The following MBOAT2 variants were observed in gnomAD, a reference collection of about 807,000 sequenced individuals.
The protein encoded by MBOAT2 is membrane bound glycerophospholipid O-acyltransferase 2.
Under a neutral mutation model 63.4 loss-of-function variants are expected in MBOAT2, and 28 were observed. That is an observed-to-expected ratio of 0.44 (90% CI 0.33 to 0.61). The LOEUF is 0.61. MBOAT2 is among the 20% of genes least tolerant of loss of function. The probability of loss-of-function intolerance (pLI) is 0.03; values close to 1 mark genes in which losing one functional copy is unlikely to be tolerated. For missense variants in MBOAT2, 470 were observed against 605.8 expected, an observed-to-expected ratio of 0.78 and a Z score of 2.35; for synonymous variants, 211 against 215.6, an observed-to-expected ratio of 0.98 and a Z score of 0.19.
chr2:8,983,051 A>G (rs1390662371), intron 1 of MBOAT2, among the ~76,000 whole-genome samples: 2 of 152,046 alleles, frequency 1.3e-5, no homozygotes, highest in African/African-American at 4.8e-5. Flanking sequence ...AGACTCATGC[A>G]TAGCAAATTC....
In MBOAT2 at chr2:8,852,728, C is replaced by T. The variant is rs977914088; in HGVS notation, c.*5951G>A. 5 of 151,120 alleles carry T rather than the reference C, an allele frequency of 3.3e-5. No individual in the cohort carries two copies. The highest frequency in any genetic ancestry group is 1.2e-4 in the African/African-American group (5 of 41,050). 9.4% of individuals were successfully genotyped at this position (151,120 alleles called of 1,614,324 possible). A position where few individuals can be genotyped will look rare whatever the true frequency, so the allele number is the denominator to read the frequency against. On this transcript the variant is annotated 3_prime_UTR_variant, in exon 13 of 13. Transcript: ENST00000305997. Reference sequence around the variant, plus strand: ...CTGTTTAATCAGTTGTAAAGACACACAAATTAGAAAAAAAAAACATGTCCT... The same window carrying T: ...CTGTTTAATCAGTTGTAAAGACACATAAATTAGAAAAAAAAAACATGTCCT...
At chr2:8,911,898 C>T (rs753531788) in intron 3 of MBOAT2, among the ~76,000 whole-genome samples, 37 of 152,148 alleles carry the variant, frequency 2.4e-4, no homozygotes, top group Non-Finnish European at 4.4e-4. Context: ...GACACTTTGC[C>T]GTCCCACCCC....
At chr2:8,925,444 A>G (rs1388721628) in intron 3 of MBOAT2, among the ~76,000 whole-genome samples, 3 of 152,256 alleles carry the variant, frequency 2.0e-5, no homozygotes, top group Non-Finnish European at 4.4e-5. Flanking sequence ...ATTTTGGTTC[A>G]TAAGACAACT....
At chr2:8,889,883 G>T (rs1219784841) in intron 4 of MBOAT2, among the ~76,000 whole-genome samples, 1 of 152,186 alleles carries the variant, frequency 6.6e-6, no homozygotes, top group African/African-American at 2.4e-5. Flanking sequence ...GAACCCACAT[G>T]CAACTTCTAT....
In MBOAT2 at chr2:8,857,590, A is replaced by G. The variant is rs562734737; in HGVS notation, c.*1089T>C. On this transcript the variant is annotated 3_prime_UTR_variant, in exon 13 of 13. Coordinates refer to ENST00000305997, the MANE Select transcript of MBOAT2 (RefSeq NM_138799.4). ...AGTGACTTTTATTTTTCATTTCCCT[A>G]AAAGTTTCCCAAATATGAATTAAAT... 7.6e-4 allele frequency: 116 copies of G among 152,342 alleles called. No homozygotes were observed. The highest frequency in any genetic ancestry group is 2.5e-3 in the African/African-American group (106 of 41,578). 9.4% of individuals were successfully genotyped at this position (152,342 alleles called of 1,614,324 possible).
At position 8,862,368 on chromosome 2, in the gene MBOAT2, G is replaced by T; in HGVS notation, c.1185+222C>A. On this transcript the variant is annotated intron_variant, in intron 11 of 12. Coordinates refer to ENST00000305997, the MANE Select transcript of MBOAT2 (RefSeq NM_138799.4). The surrounding 1 kb of genome is among the most constrained non-coding windows in gnomAD (Gnocchi z 4.3). ...TTTGTGAGTGCCTCCTACCTGCCGG[G>T]CACATAGAAACGTGTTTTCTCCTCA... 1 of 1,442,288 alleles carries T rather than the reference G, an allele frequency of 6.9e-7. No homozygotes were observed. The allele number at this position is 1,442,288 out of a possible 1,614,324, so 89.3% of individuals were successfully genotyped here. A position where few individuals can be genotyped will look rare whatever the true frequency, so the allele number is the denominator to read the frequency against.
At chr2:8,952,837 A>G (rs62104441) in intron 2 of MBOAT2, among the ~76,000 whole-genome samples, 6,384 of 151,750 alleles carry the variant, frequency 0.042, 148 homozygotes, top group Middle Eastern at 0.058. Context: ...ATCTTTCTCC[A>G]ACCCTTTACT....
At chr2:8,973,426 A>C (rs958666136) in intron 1 of MBOAT2, among the ~76,000 whole-genome samples, 1 of 151,934 alleles carries the variant, frequency 6.6e-6, no homozygotes, top group African/African-American at 2.4e-5. Context: ...GTAAATGCCG[A>C]GTTAATGGGT....
chr2:8,964,172 T>A (rs1389097392), intron 1 of MBOAT2, among the ~76,000 whole-genome samples: 1 of 152,192 alleles, frequency 6.6e-6, no homozygotes, highest in East Asian at 1.9e-4. Context: ...CTTCCACCCC[T>A]CCCACAAAGA....
intron 1 of MBOAT2, among the ~76,000 whole-genome samples, chr2:8,962,519 G>A (rs1190528947): frequency 1.3e-5 from 2 of 152,162 alleles, no homozygotes; most frequent in African/African-American, 4.8e-5. Context: ...AGAATCTTCA[G>A]AGTTGTTCTA....
chr2:8,874,697 A>G (rs781743401), intron 7 of MBOAT2, among the ~76,000 whole-genome samples: 5 of 152,150 alleles, frequency 3.3e-5, no homozygotes, highest in Non-Finnish European at 7.4e-5. Context: ...AGAATCCTTC[A>G]CCCAAAAAAC....
chr2:8,865,199 C>CT (rs1320612868), intron 9 of MBOAT2, among the ~76,000 whole-genome samples: 2 of 151,928 alleles, frequency 1.3e-5, no homozygotes, highest in Non-Finnish European at 2.9e-5. Context: ...TTTCTTTTCT[C>CT]TTTTTTTTCA....
At chr2:8,982,387 C>A (rs1005593190) in intron 1 of MBOAT2, among the ~76,000 whole-genome samples, 1 of 152,136 alleles carries the variant, frequency 6.6e-6, no homozygotes, top group Non-Finnish European at 1.5e-5. Context: ...AACACAACAG[C>A]CAGAACCAAA....
chr2:8,857,495 A>G lies in MBOAT2; in HGVS notation c.*1184T>C, dbSNP rs1026351987. The G allele has an allele frequency of 1.3e-5, 2 of 152,252 alleles. No homozygotes were observed. Among genetic ancestry groups the G allele is most frequent in the Non-Finnish European group, 2.9e-5 (2 of 68,040 alleles). 9.4% of individuals were successfully genotyped at this position (152,252 alleles called of 1,614,324 possible). ...AAAACTCATTTTAGTAAGAGTTCAC[A>G]GCAAAATTTTAATGTGAGAAGAGTT... is the stretch of plus-strand genomic sequence containing the variant. On this transcript the variant is annotated 3_prime_UTR_variant, in exon 13 of 13. Transcript: ENST00000305997.
At chr2:8,943,037 C>T in intron 3 of MBOAT2, 150 bp downstream of exon 3, 1 of 501,620 alleles carries the variant, frequency 2.0e-6, no homozygotes, top group Non-Finnish European at 3.4e-6. Context: ...TGATGCATAC[C>T]AATGATTTTA....
chr2:8,968,647 T>C (rs968560554), intron 1 of MBOAT2, among the ~76,000 whole-genome samples: 3 of 152,112 alleles, frequency 2.0e-5, no homozygotes, highest in African/African-American at 7.2e-5. Flanking sequence ...ATTAGACGAA[T>C]GGCTAACTAG....
chr2:8,970,368 G>C (rs1246137170), intron 1 of MBOAT2, among the ~76,000 whole-genome samples: 9 of 152,202 alleles, frequency 5.9e-5, no homozygotes. Flanking sequence ...CACATTCAAA[G>C]CAGTGTGTAG....
At chr2:8,990,314 G>C (rs1184222871) in intron 1 of MBOAT2, among the ~76,000 whole-genome samples, 1 of 152,150 alleles carries the variant, frequency 6.6e-6, no homozygotes, top group African/African-American at 2.4e-5. Flanking sequence ...TGGAGATAGA[G>C]ACAAAATAGG....
chr2:8,996,724 T>C (rs1002203555), intron 1 of MBOAT2, among the ~76,000 whole-genome samples: 1 of 152,200 alleles, frequency 6.6e-6, no homozygotes, highest in African/African-American at 2.4e-5. Context: ...GCTCGGGAAC[T>C]TCGCTATTCC....
Sources: allele counts gnomAD v4.1 joint callset (sites outside exome capture counted in the v4.1 genomes callset), GRCh38; gene constraint gnomAD v4.1.1; non-coding constraint Gnocchi (gnomAD v3.1); transcripts MANE v1.5; gene names NCBI Gene and HGNC (gene_info 2026-07-23, HGNC 2026-07-21).